The following XKR4 variants were observed in gnomAD, a reference collection of about 807,000 sequenced individuals.
XKR4 encodes XK-related protein 4.
In XKR4, 12 loss-of-function variants were observed where a neutral mutation model predicts 53.9. The ratio of observed to expected loss-of-function variants is 0.22; its 90% CI spans 0.14 to 0.36. The LOEUF (loss-of-function observed/expected upper bound fraction) is 0.36. XKR4 is among the 10% of genes least tolerant of loss of function. XKR4 has a pLI of 1.00. For synonymous variants in XKR4, 354 were observed against 362.4 expected (o/e 0.98, Z 0.26); for missense variants, 799 against 859.5 (o/e 0.93, Z 0.88).
At chr8:55,345,019 G>A (rs1273191597) in intron 1 of XKR4, among the ~76,000 whole-genome samples, 1 of 152,188 alleles carries the variant, frequency 6.6e-6, no homozygotes, top group Non-Finnish European at 1.5e-5. Context: ...GGAGGCCAAG[G>A]TGGGCAGATC....
intron 1 of XKR4, among the ~76,000 whole-genome samples, chr8:55,167,719 C>T (rs9643485): frequency 0.029 from 4,344 of 152,254 alleles, 167 homozygotes; most frequent in East Asian, 0.12. Flanking sequence ...GAGTCACCAA[C>T]TAACAGATGA....
intron 2 of XKR4, among the ~76,000 whole-genome samples, chr8:55,447,109 A>G (rs1477296992): frequency 6.6e-6 from 1 of 152,136 alleles, no homozygotes; most frequent in African/African-American, 2.4e-5. Context: ...AACTAATAGT[A>G]AAAATACACA....
At chr8:55,417,997 G>A (rs1304245135) in intron 2 of XKR4, among the ~76,000 whole-genome samples, 3 of 152,202 alleles carry the variant, frequency 2.0e-5, no homozygotes, top group Non-Finnish European at 1.5e-5. Context: ...CGATTTGGGT[G>A]CAGAAAATTT....
chr8:55,228,325 C>T (rs915873234), intron 1 of XKR4, among the ~76,000 whole-genome samples: 2 of 148,820 alleles, frequency 1.3e-5, no homozygotes, highest in Admixed American at 6.6e-5. Flanking sequence ...TCCTTAAGTA[C>T]GATTTGCTAA....
intron 1 of XKR4, among the ~76,000 whole-genome samples, chr8:55,156,408 G>T (rs936408886): frequency 7.0e-6 from 1 of 142,710 alleles, no homozygotes; most frequent in Non-Finnish European, 1.5e-5. Context: ...CACGGCGTAA[G>T]ATGGCGAGGT....
At position 55,103,021 on chromosome 8, in the gene XKR4, C is replaced by T; in HGVS notation, c.533C>T (p.Thr178Met). 1 of 1,612,464 alleles carries T rather than the reference C, an allele frequency of 6.2e-7. No homozygotes were observed. The highest frequency in any genetic ancestry group is 2.2e-5 in the East Asian group (1 of 44,862). The change falls in exon 1 of 3, where the codon ACG becomes ATG. Residue 178 changes from threonine (T) to methionine (M), a missense_variant. Thr to Met is a moderately conservative substitution (Grantham distance 81). Around this residue, in one of 3 missense-constraint regions of XKR4, gnomAD observed 476 missense variants for 505.4 expected, o/e 0.94. Transcript: ENST00000327381. ...VHDFSTEDSA[T>M]AAAASSCPQP... Reference sequence around the variant, plus strand: ...GATTTCAGCACCGAGGACAGCGCCACGGCCGCTGCTGCCTCCAGCTGCCCG... The same window carrying T: ...GATTTCAGCACCGAGGACAGCGCCATGGCCGCTGCTGCCTCCAGCTGCCCG...
intron 2 of XKR4, among the ~76,000 whole-genome samples, chr8:55,505,095 G>A (rs1012007701): frequency 2.0e-5 from 3 of 151,816 alleles, no homozygotes; most frequent in Admixed American, 6.6e-5. Flanking sequence ...CAAGCTTTGT[G>A]TTTAGTTTGT....
At chr8:55,311,340 G>C (rs1819385147) in intron 1 of XKR4, among the ~76,000 whole-genome samples, 1 of 152,224 alleles carries the variant, frequency 6.6e-6, no homozygotes, top group African/African-American at 2.4e-5. Context: ...GAGTGTCAGA[G>C]AGGGGCTCAG....
At position 55,102,748 on chromosome 8, in the gene XKR4, G is replaced by T; in HGVS notation, c.260G>T (p.Gly87Val). ...SGGSGGVAGP[G>V]GGGAGSAALC... is the part of the protein sequence containing the mutation. Reference sequence around the variant, plus strand: ...GGCTCCGGCGGCGTCGCCGGCCCGGGCGGCGGCGGGGCGGGCTCGGCTGCG... The same window carrying T: ...GGCTCCGGCGGCGTCGCCGGCCCGGTCGGCGGCGGGGCGGGCTCGGCTGCG... Residue 87 changes from glycine (G) to valine (V), a missense_variant, in exon 1 of 3, where the codon GGC becomes GTC. By Grantham distance (109) the Gly-to-Val change is moderately radical. Coordinates refer to ENST00000327381, the MANE Select transcript of XKR4 (RefSeq NM_052898.2). The surrounding 1 kb of genome is among the most constrained non-coding windows in gnomAD (Gnocchi z 5.1). 8.1e-7 allele frequency: 1 copy of T among 1,237,388 alleles called. No homozygotes were observed. The highest frequency in any genetic ancestry group is 1.0e-6 in the Non-Finnish European group (1 of 990,214). The allele number at this position is 1,237,388 out of a possible 1,614,324, so 76.7% of individuals were successfully genotyped here.
At chr8:55,343,479 C>T (rs553808215) in intron 1 of XKR4, among the ~76,000 whole-genome samples, 2 of 152,250 alleles carry the variant, frequency 1.3e-5, no homozygotes, top group Admixed American at 6.5e-5. Context: ...AATGTTGGCC[C>T]ATGAAGCCTT....
At chr8:55,295,199 C>T (rs920470944) in intron 1 of XKR4, among the ~76,000 whole-genome samples, 1 of 152,078 alleles carries the variant, frequency 6.6e-6, no homozygotes, top group African/African-American at 2.4e-5. Context: ...CTTTCAAGCT[C>T]CACATAGGAG....
rs2129349934 is a variant in XKR4 at position 55,102,112 on chromosome 8, C to G, written c.-377C>G. ...AGGGGAGGAGAGGAATGTGCAGGTC[C>G]GAGGAGCGCCGCGGCGGCCGCTGCT... On this transcript the variant is annotated 5_prime_UTR_variant, in exon 1 of 3. Transcript: ENST00000327381. The surrounding 1 kb of genome is among the most constrained non-coding windows in gnomAD (Gnocchi z 5.1). Among the ~76,000 whole-genome samples the G allele has an allele frequency of 6.6e-6, 1 of 151,062 alleles. No individual in the cohort carries two copies. Among genetic ancestry groups the G allele is most frequent in the South Asian group, 2.1e-4 (1 of 4,786 alleles).
chr8:55,436,657 C>T (rs1805181256), intron 2 of XKR4, among the ~76,000 whole-genome samples: 1 of 152,160 alleles, frequency 6.6e-6, no homozygotes, highest in Non-Finnish European at 1.5e-5. Context: ...AAGTAAATGT[C>T]ATCAGAAATA....
At chr8:55,331,484 A>G (rs1213693614) in intron 1 of XKR4, among the ~76,000 whole-genome samples, 2 of 152,132 alleles carry the variant, frequency 1.3e-5, no homozygotes, top group Admixed American at 1.3e-4. Context: ...TATATTGTTC[A>G]AATCTTCTAT....
At chr8:55,106,703 G>A (rs1816154833) in intron 1 of XKR4, among the ~76,000 whole-genome samples, 1 of 152,070 alleles carries the variant, frequency 6.6e-6, no homozygotes, top group Non-Finnish European at 1.5e-5. Context: ...ATGTATGTAT[G>A]TACATAGTTA....
chr8:55,188,880 T>TAC (rs1817410674), intron 1 of XKR4, among the ~76,000 whole-genome samples: 1 of 152,236 alleles, frequency 6.6e-6, no homozygotes, highest in Non-Finnish European at 1.5e-5. Flanking sequence ...GTTAAAGTCC[T>TAC]TAATACAGAA....
chr8:55,501,271 A>G (rs1806431763), intron 2 of XKR4, among the ~76,000 whole-genome samples: 1 of 152,236 alleles, frequency 6.6e-6, no homozygotes, highest in Admixed American at 6.5e-5. Context: ...AGTAAAATAC[A>G]TGCAAAATAA....
chr8:55,172,720 T>C (rs1817179632), intron 1 of XKR4, among the ~76,000 whole-genome samples: 1 of 152,230 alleles, frequency 6.6e-6, no homozygotes, highest in Admixed American at 6.5e-5. Context: ...AAAAAAGAAA[T>C]GTTCTTGCAT....
At chr8:55,371,336 T>C (rs1804067505) in intron 2 of XKR4, among the ~76,000 whole-genome samples, 1 of 151,954 alleles carries the variant, frequency 6.6e-6, no homozygotes, top group South Asian at 2.1e-4. Context: ...CACAAAGCAA[T>C]GGAATTGCTG....
Sources: gnomAD v4.1 joint callset for allele counts (sites outside exome capture counted in the v4.1 genomes callset) on GRCh38, gnomAD v4.1.1 for gene constraint, gnomAD v4.1.1 regional missense constraint, Gnocchi (gnomAD v3.1) non-coding constraint, MANE v1.5 for transcripts, NCBI Gene and HGNC (gene_info 2026-07-23, HGNC 2026-07-21) for gene names.